The following VRK2 variants were observed in gnomAD, a reference collection of about 807,000 sequenced individuals.
VRK2 encodes serine/threonine-protein kinase VRK2.
In VRK2, 60 loss-of-function variants were observed where a neutral mutation model predicts 57.6. The ratio of observed to expected loss-of-function variants is 1.04; its 90% CI spans 0.85 to 1.29. The LOEUF (loss-of-function observed/expected upper bound fraction) is 1.29. VRK2 is among the 50% of genes most tolerant of loss of function. The pLI is 0.00. For missense variants in VRK2, 705 were observed against 588.1 expected, an observed-to-expected ratio of 1.20 and a Z score of -2.06; for synonymous variants, 231 against 199.2, an observed-to-expected ratio of 1.16 and a Z score of -1.35.
At position 58,091,122 on chromosome 2, in the gene VRK2, T is replaced by G. The variant is rs145942310; in HGVS notation, c.543+1399T>G. Among the ~76,000 whole-genome samples, 524 of 152,284 alleles carry G rather than the reference T, an allele frequency of 3.4e-3. 5 individuals are homozygous for G. The highest frequency in any genetic ancestry group is 0.012 in the African/African-American group (482 of 41,564). Reference sequence around the variant, plus strand: ...AGGTCAGTGAAACTATTCTGCATGATACCATAATGGTGAATACATGTCATC... The same window carrying G: ...AGGTCAGTGAAACTATTCTGCATGAGACCATAATGGTGAATACATGTCATC... On this transcript the variant is annotated intron_variant, in intron 7 of 12. Coordinates refer to ENST00000340157, the MANE Select transcript of VRK2 (RefSeq NM_006296.7).
chr2:58,101,121 T>A (rs1286065027), intron 7 of VRK2, among the ~76,000 whole-genome samples: 1 of 151,716 alleles, frequency 6.6e-6, no homozygotes, highest in Non-Finnish European at 1.5e-5. Context: ...ATAATTATGA[T>A]TTAGAATCCA....
chr2:57,972,510 T>C (rs1262214028), intron 1 of VRK2, among the ~76,000 whole-genome samples: 1 of 151,850 alleles, frequency 6.6e-6, no homozygotes, highest in Non-Finnish European at 1.5e-5. Context: ...ATATAACCCA[T>C]TAAGAAAGTT....
intron 1 of VRK2, among the ~76,000 whole-genome samples, chr2:58,007,476 A>G (rs755905846): frequency 2.6e-5 from 4 of 151,948 alleles, no homozygotes; most frequent in African/African-American, 4.8e-5. Context: ...TACATAACGT[A>G]AAGATGACAA....
intron 8 of VRK2, among the ~76,000 whole-genome samples, chr2:58,129,042 A>C (rs1191244830): frequency 6.6e-6 from 1 of 152,222 alleles, no homozygotes; most frequent in Non-Finnish European, 1.5e-5. Context: ...GGCTTTCAAC[A>C]AAAAGAGTGA....
intron 1 of VRK2, among the ~76,000 whole-genome samples, chr2:57,977,252 A>G (rs1043985089): frequency 6.6e-6 from 1 of 152,164 alleles, no homozygotes; most frequent in African/African-American, 2.4e-5. Flanking sequence ...TAATTCTGTG[A>G]AAAATAACAT....
chr2:57,922,493 G>T (rs1258107118), intron 1 of VRK2, among the ~76,000 whole-genome samples: 13 of 140,824 alleles, frequency 9.2e-5, no homozygotes, highest in South Asian at 2.3e-4. Flanking sequence ...TGTGTGATGA[G>T]AATATTCAAA....
At chr2:58,031,432 A>G (rs1011825362) in intron 2 of VRK2, among the ~76,000 whole-genome samples, 4 of 152,050 alleles carry the variant, frequency 2.6e-5, no homozygotes, top group Non-Finnish European at 5.9e-5. Context: ...GACTAAGAGT[A>G]TGACTGTTAA....
At chr2:58,089,531 T>C in intron 6 of VRK2, 100 bp from the exon 7 acceptor site, 1 of 623,694 alleles carries the variant, frequency 1.6e-6, no homozygotes, top group Non-Finnish European at 2.6e-6. Context: ...TTTGTCAATG[T>C]TAATATGAAA....
At chr2:58,131,493 G>T (rs987927086) in intron 8 of VRK2, among the ~76,000 whole-genome samples, 1 of 151,920 alleles carries the variant, frequency 6.6e-6, no homozygotes, top group African/African-American at 2.4e-5. Context: ...AGAAAGTGTT[G>T]GTGCTGGGTT....
chr2:57,943,392 A>C (rs993962507), intron 1 of VRK2, among the ~76,000 whole-genome samples: 2 of 152,198 alleles, frequency 1.3e-5, no homozygotes, highest in Non-Finnish European at 2.9e-5. Flanking sequence ...GTCAGGAGTA[A>C]ATTTTAGATT....
intron 1 of VRK2, among the ~76,000 whole-genome samples, chr2:57,939,458 T>C (rs1671022310): frequency 6.6e-6 from 1 of 152,222 alleles, no homozygotes; most frequent in African/African-American, 2.4e-5. Flanking sequence ...ACACATTACT[T>C]TCCATACCTG....
At chr2:57,975,797 C>G (rs963339344) in intron 1 of VRK2, among the ~76,000 whole-genome samples, 1 of 151,122 alleles carries the variant, frequency 6.6e-6, no homozygotes, top group Non-Finnish European at 1.5e-5. Flanking sequence ...CAGTTGGGTA[C>G]ATGTGCAGAT....
At chr2:57,913,014 C>T (rs1670037346) in intron 1 of VRK2, among the ~76,000 whole-genome samples, 1 of 152,152 alleles carries the variant, frequency 6.6e-6, no homozygotes, top group Non-Finnish European at 1.5e-5. Context: ...AAGTGGGCCT[C>T]CTCAGACACT....
At chr2:58,063,942 G>A (rs1572909457) in intron 2 of VRK2, among the ~76,000 whole-genome samples, 1 of 152,180 alleles carries the variant, frequency 6.6e-6, no homozygotes, top group East Asian at 1.9e-4. Context: ...GTGACTTTGC[G>A]GGGTTCAAGC....
chr2:58,140,166 T>C (rs1214515366), intron 11 of VRK2, among the ~76,000 whole-genome samples: 1 of 152,072 alleles, frequency 6.6e-6, no homozygotes, highest in African/African-American at 2.4e-5. Flanking sequence ...GATATTGCCC[T>C]GTGTTTTTGC....
chr2:58,036,997 G>A (rs1053255171), intron 3 of VRK2, among the ~76,000 whole-genome samples: 3 of 151,794 alleles, frequency 2.0e-5, no homozygotes, highest in African/African-American at 7.3e-5. Flanking sequence ...GGAGTGTAGT[G>A]GTGCAGTCAC....
In VRK2 at chr2:58,139,763, A is replaced by G; in HGVS notation, c.954A>G (p.Ile318Met). The G allele has an allele frequency of 6.2e-7, 1 of 1,613,270 alleles. No individual in the cohort carries two copies. Among genetic ancestry groups the G allele is most frequent in the East Asian group, 2.2e-5 (1 of 44,788 alleles). Residue 318 changes from isoleucine to methionine, a missense_variant, in exon 11 of 13, where the codon ATA becomes ATG. Physicochemically the swap from Ile to Met is conservative, Grantham distance 10 (BLOSUM62 1). Coordinates refer to ENST00000340157, the MANE Select transcript of VRK2 (RefSeq NM_006296.7). ...ALKKILNPHG[I>M]PLGPLDFSTK... ...AGAAAATTTTGAACCCTCATGGAATACCTTTAGGACCACTGGACTTTTCCA... is the reference window on the plus strand; with the variant it reads ...AGAAAATTTTGAACCCTCATGGAATGCCTTTAGGACCACTGGACTTTTCCA...
chr2:57,989,271 T>C (rs985257109), intron 1 of VRK2, among the ~76,000 whole-genome samples: 2 of 152,232 alleles, frequency 1.3e-5, no homozygotes, highest in African/African-American at 4.8e-5. Flanking sequence ...TAATTTTACA[T>C]TTTTCTAGAA....
intron 1 of VRK2, among the ~76,000 whole-genome samples, chr2:57,961,447 T>C (rs1558514177): frequency 6.6e-6 from 1 of 152,170 alleles, no homozygotes; most frequent in Non-Finnish European, 1.5e-5. Context: ...AGATAAAATA[T>C]ATATAATGTA....
Sources: allele counts gnomAD v4.1 joint callset (sites outside exome capture counted in the v4.1 genomes callset), GRCh38; gene constraint gnomAD v4.1.1; transcripts MANE v1.5; gene names NCBI Gene and HGNC (gene_info 2026-07-23, HGNC 2026-07-21).